VGLL4: variants seen among roughly 807,000 people sequenced by gnomAD.
VGLL4 encodes transcription cofactor vestigial-like protein 4.
A neutral mutation model predicts 21.0 loss-of-function variants in VGLL4; 7 were observed. The observed-to-expected ratio is 0.33, with a 90% CI of 0.19 to 0.63. The LOEUF is 0.63. Ranked by LOEUF, VGLL4 falls within the 20% of genes least tolerant of loss-of-function variation. The probability of loss-of-function intolerance (pLI) is 0.78; values close to 1 mark genes in which losing one functional copy is unlikely to be tolerated. For synonymous variants in VGLL4, 222 were observed against 173.2 expected (o/e 1.28, Z -2.21); for missense variants, 394 against 425.7 (o/e 0.93, Z 0.66).
intron 1 of VGLL4, among the ~76,000 whole-genome samples, chr3:11,713,022 G>C (rs2076869402): frequency 6.6e-6 from 1 of 152,148 alleles, no homozygotes; most frequent in African/African-American, 2.4e-5. Flanking sequence ...AAACTACCAA[G>C]ACATAGCGAT....
chr3:11,573,524 T>C (rs963672732), intron 2 of VGLL4, among the ~76,000 whole-genome samples: 1 of 152,114 alleles, frequency 6.6e-6, no homozygotes, highest in Admixed American at 6.5e-5. Context: ...ACCAGAAACC[T>C]TCCCAAGGCA....
chr3:11,670,906 G>T (rs550540649), intron 2 of VGLL4, among the ~76,000 whole-genome samples: 1 of 151,910 alleles, frequency 6.6e-6, no homozygotes, highest in Non-Finnish European at 1.5e-5. Flanking sequence ...GTGTGGTGGC[G>T]CATGCCTGTA....
chr3:11,719,875 G>T lies in VGLL4; in HGVS notation c.-14+519C>A. On this transcript the variant is annotated intron_variant, in intron 1 of 5. Transcript: ENST00000273038. This position sits in a 1 kb window ranked among gnomAD's most constrained non-coding sequence, Gnocchi z 4.0. ...CGCTGGGGCAGTGAGGTTTGTCGGG[G>T]CGGGCGCTCCCGAGAGGCGCCAGCG... Among the ~76,000 whole-genome samples the T allele has an allele frequency of 6.6e-6, 1 of 152,072 alleles. No homozygotes were observed. Among genetic ancestry groups the T allele is most frequent in the Non-Finnish European group, 1.5e-5 (1 of 67,994 alleles).
rs116916648 is a variant in VGLL4, at chr3:11,695,366, T to C, written c.64+7605A>G. Among the ~76,000 whole-genome samples the C allele has an allele frequency of 1.4e-4, 22 of 152,210 alleles. No homozygotes were observed. In the East Asian group the frequency reaches 4.2e-3, roughly 29 times the overall value. ...CCCGGCCCAGGAATGTTCTCATTCT[T>C]AAGAAATGCACACTGAATTCTTTAG... On this transcript the variant is annotated intron_variant, in intron 2 of 5. Transcript: ENST00000273038.
intron 2 of VGLL4, among the ~76,000 whole-genome samples, chr3:11,593,586 C>CAAAAG (rs1055152562): frequency 1.3e-5 from 2 of 151,746 alleles, no homozygotes; most frequent in African/African-American, 4.8e-5. Context: ...CAAAACAAAA[C>CAAAAG]AAAACACCAG....
At position 11,590,663 on chromosome 3, in the gene VGLL4, AGTGTGTGTGTGTGT is replaced by A. The variant is rs10592668; in HGVS notation, c.272+11156_272+11169del. 6.0e-3 allele frequency among the ~76,000 whole-genome samples: 884 copies of A among 147,356 alleles called. 19 individuals are homozygous for A. The highest frequency in any genetic ancestry group is 0.057 in the East Asian group (283 of 4,950). On this transcript the variant is annotated intron_variant, in intron 2 of 4. Coordinates refer to ENST00000430365, the MANE Select transcript of VGLL4 (RefSeq NM_001128219.3). ...TCTGTGAAGAAATTTCAAAATGAAG[AGTGTGTGTGTGTGT>A]GTGTGTGTGTGTGTGTGTGTGTGTG...
At chr3:11,612,871 GC>G (rs1559900336) in intron 1 of VGLL4, among the ~76,000 whole-genome samples, 2 of 152,230 alleles carry the variant, frequency 1.3e-5, no homozygotes, top group African/African-American at 4.8e-5. Context: ...GGCTCTTAAA[GC>G]CTGGCAGAAA....
chr3:11,602,230 T>C (rs944276359), intron 1 of VGLL4, among the ~76,000 whole-genome samples: 1 of 152,224 alleles, frequency 6.6e-6, no homozygotes, highest in African/African-American at 2.4e-5. Flanking sequence ...AACGTGGTTT[T>C]CTAGCACAGT....
At chr3:11,626,391 T>A in intron 1 of VGLL4, 1 of 456,922 alleles carries the variant, frequency 2.2e-6, no homozygotes, top group Non-Finnish European at 4.4e-6. Context: ...GTGCCACTCT[T>A]TTCTTCAAGT....
rs1416928812 is a variant in VGLL4 at position 11,559,447 on chromosome 3, G to A, written c.504C>T (p.Pro168=). Residue 168 remains proline (P), a synonymous_variant, in exon 4 of 5, where the codon CCC becomes CCT. Coordinates refer to ENST00000430365, the MANE Select transcript of VGLL4 (RefSeq NM_001128219.3). ...CAGCCGAGGCACAGGTGATCACGGAGGGCCGGTTCTGCGGGGAGGAGGGGT... is the reference window on the plus strand; with the variant it reads ...CAGCCGAGGCACAGGTGATCACGGAAGGCCGGTTCTGCGGGGAGGAGGGGT... ...LTPGERQQNR[P]SVITCASAGA... 5 of 1,564,526 alleles carry A rather than the reference G, an allele frequency of 3.2e-6. No individual in the cohort carries two copies. The highest frequency in any genetic ancestry group is 1.4e-5 in the African/African-American group (1 of 74,010).
intron 1 of VGLL4, among the ~76,000 whole-genome samples, chr3:11,635,766 CT>C: frequency 6.6e-6 from 1 of 152,330 alleles, no homozygotes; most frequent in African/African-American, 2.4e-5. Flanking sequence ...CAGAGCTGTG[CT>C]AGAAAACTGC....
chr3:11,643,669 TAAA>T lies in VGLL4; in HGVS notation c.-154_-152del. ...CTATCAAAACAAAGTATGCAAAAGT[TAAA>T]AAAAAAAAAATCAGGCACAAAAAAA... is the stretch of plus-strand genomic sequence containing the variant. On this transcript the variant is annotated 5_prime_UTR_variant, in exon 1 of 5. Transcript: ENST00000430365. 2 of 1,345,002 alleles carry T rather than the reference TAAA, an allele frequency of 1.5e-6. No homozygotes were observed. The highest frequency in any genetic ancestry group is 2.8e-5 in the East Asian group (1 of 35,764). 83.3% of individuals were successfully genotyped at this position (1,345,002 alleles called of 1,614,324 possible).
rs2072426379 is a variant in VGLL4 at position 11,556,504 on chromosome 3, G to A, written c.*2052C>T. On this transcript the variant is annotated 3_prime_UTR_variant, in exon 5 of 5. Coordinates refer to ENST00000430365, the MANE Select transcript of VGLL4 (RefSeq NM_001128219.3). ...GGTGGTTTTCCTGTTACGACGCTCAGTAGCCTGTAGCAATAACAAACTCGT... is the reference window on the plus strand; with the variant it reads ...GGTGGTTTTCCTGTTACGACGCTCAATAGCCTGTAGCAATAACAAACTCGT... 6.5e-6 allele frequency: 1 copy of A among 152,710 alleles called. No homozygotes were observed. The highest frequency in any genetic ancestry group is 1.5e-5 in the Non-Finnish European group (1 of 68,034). The allele number at this position is 152,710 out of a possible 1,614,324, so 9.5% of individuals were successfully genotyped here.
chr3:11,714,432 T>G (rs1168791619), intron 1 of VGLL4, among the ~76,000 whole-genome samples: 1 of 152,146 alleles, frequency 6.6e-6, no homozygotes. Flanking sequence ...GGCTCACACC[T>G]GTAATCCCAG....
Position 11,568,651 on chromosome 3 carries a change from GT to G in VGLL4, c.273-3633del, listed in dbSNP as rs760874796. On this transcript the variant is annotated intron_variant, in intron 2 of 4. Transcript: ENST00000430365. The surrounding 1 kb of genome is among the most constrained non-coding windows in gnomAD (Gnocchi z 5.9). ...TTCCCGGAGCTTCAAGACAGACATT[GT>G]TTTCCAGGCCCCGCTCGCCCGGATG... is the stretch of plus-strand genomic sequence containing the variant. 2 of 1,566,140 alleles carry G rather than the reference GT, an allele frequency of 1.3e-6. No homozygotes were observed. The highest frequency in any genetic ancestry group is 1.7e-6 in the Non-Finnish European group (2 of 1,153,774).
At chr3:11,707,746 C>G (rs563634896) in intron 1 of VGLL4, among the ~76,000 whole-genome samples, 1 of 152,150 alleles carries the variant, frequency 6.6e-6, no homozygotes, top group South Asian at 2.1e-4. Flanking sequence ...ATAGTCCCAG[C>G]TACTCGGGAG....
intron 2 of VGLL4, among the ~76,000 whole-genome samples, chr3:11,676,245 G>A (rs2076287651): frequency 6.6e-6 from 1 of 151,878 alleles, no homozygotes; most frequent in African/African-American, 2.4e-5. Context: ...AAATTAGCCG[G>A]GTGTGGTGGT....
chr3:11,657,788 G>C (rs1575501806), intron 2 of VGLL4, among the ~76,000 whole-genome samples: 1 of 152,168 alleles, frequency 6.6e-6, no homozygotes, highest in African/African-American at 2.4e-5. Context: ...ATTAAGGTTA[G>C]AGAATGCCTG....
At chr3:11,716,479 T>C (rs2076921264) in intron 1 of VGLL4, among the ~76,000 whole-genome samples, 7 of 152,010 alleles carry the variant, frequency 4.6e-5, no homozygotes, top group Admixed American at 3.9e-4. Context: ...ACTGCACATG[T>C]CCACAAATGT....
Sources: allele counts gnomAD v4.1 joint callset (sites outside exome capture counted in the v4.1 genomes callset), GRCh38; gene constraint gnomAD v4.1.1; non-coding constraint Gnocchi (gnomAD v3.1); transcripts MANE v1.5; gene names NCBI Gene and HGNC (gene_info 2026-07-23, HGNC 2026-07-21).